Variants in ARHGAP24 observed in about 807,000 individuals in gnomAD.
ARHGAP24 encodes Rho GTPase activating protein 24.
A neutral mutation model predicts 76.4 loss-of-function variants in ARHGAP24; 50 were observed. The observed-to-expected ratio is 0.65, with a 90% CI of 0.52 to 0.83. The LOEUF is 0.83. Among genes scored for constraint, ARHGAP24 ranks in the 40% least tolerant of loss-of-function variants. ARHGAP24 has a pLI of 0.00. For synonymous variants in ARHGAP24, 345 were observed against 323.3 expected (o/e 1.07, Z -0.72); for missense variants, 930 against 914.2 (o/e 1.02, Z -0.22).
Position 85,483,314 on chromosome 4 carries a change from G to GA in ARHGAP24, c.-21+7764dup, listed in dbSNP as rs371807967. 1.3e-4 allele frequency among the ~76,000 whole-genome samples: 20 copies of GA among 151,164 alleles called. 1 individual carries two copies. The highest frequency in any genetic ancestry group is 3.9e-4 in the East Asian group (2 of 5,150). On this transcript the variant is annotated intron_variant, in intron 1 of 9. Coordinates refer to ENST00000395184, the MANE Select transcript of ARHGAP24 (RefSeq NM_001025616.3). Reference sequence around the variant, plus strand: ...AGAATAGAATAAGATAGAATAGATGGAAAAAAAAACTCAGTGTTCATTATA... The same window carrying GA: ...AGAATAGAATAAGATAGAATAGATGGAAAAAAAAAACTCAGTGTTCATTATA...
chr4:85,722,208 T>C (rs1724971474), intron 3 of ARHGAP24: 2 of 462,720 alleles, frequency 4.3e-6, no homozygotes, highest in East Asian at 4.3e-5. Context: ...TGAGACTCCA[T>C]AGTTGACCAC....
intron 3 of ARHGAP24, among the ~76,000 whole-genome samples, chr4:85,871,355 C>A (rs1732514455): frequency 6.6e-6 from 1 of 152,052 alleles, no homozygotes; most frequent in Non-Finnish European, 1.5e-5. Context: ...TCAAAAAGAT[C>A]CAGAAATATA....
chr4:85,800,498 G>C (rs1728531431), intron 3 of ARHGAP24, among the ~76,000 whole-genome samples: 1 of 151,568 alleles, frequency 6.6e-6, no homozygotes, highest in South Asian at 2.1e-4. Context: ...TTAAGAAGAA[G>C]AACAGGAGGA....
At chr4:85,664,311 A>G (rs1199104958) in intron 2 of ARHGAP24, among the ~76,000 whole-genome samples, 1 of 150,976 alleles carries the variant, frequency 6.6e-6, no homozygotes, top group Admixed American at 6.6e-5. Context: ...AGGTGTTTGT[A>G]GTATTCTCTG....
chr4:85,739,078 G>A (rs538582095), intron 3 of ARHGAP24, among the ~76,000 whole-genome samples: 1 of 152,296 alleles, frequency 6.6e-6, no homozygotes, highest in East Asian at 1.9e-4. Flanking sequence ...TAGAGACCAT[G>A]CCACACCTGA....
intron 2 of ARHGAP24, among the ~76,000 whole-genome samples, chr4:85,714,240 TC>T (rs1201107767): frequency 2.0e-5 from 3 of 152,158 alleles, no homozygotes; most frequent in Admixed American, 2.0e-4. Context: ...TAAAGGATCC[TC>T]CGGTCTAAAA....
chr4:85,774,118 C>G (rs1443406396), intron 3 of ARHGAP24, among the ~76,000 whole-genome samples: 1 of 152,200 alleles, frequency 6.6e-6, no homozygotes, highest in African/African-American at 2.4e-5. Context: ...CTCTCCCTAT[C>G]TTGCTGTCAC....
intron 3 of ARHGAP24, among the ~76,000 whole-genome samples, chr4:85,750,764 C>T (rs996588608): frequency 6.6e-6 from 1 of 152,004 alleles, no homozygotes; most frequent in South Asian, 2.1e-4. Flanking sequence ...TCCCAAAGTG[C>T]GGGGATTACA....
At chr4:85,880,249 A>T (rs1376086236) in intron 3 of ARHGAP24, among the ~76,000 whole-genome samples, 4 of 152,158 alleles carry the variant, frequency 2.6e-5, no homozygotes, top group Non-Finnish European at 5.9e-5. Context: ...CACTCTTATG[A>T]TGTAAGATGA....
intron 3 of ARHGAP24, among the ~76,000 whole-genome samples, chr4:85,734,096 A>C (rs930234742): frequency 6.6e-6 from 1 of 152,088 alleles, no homozygotes; most frequent in Non-Finnish European, 1.5e-5. Flanking sequence ...ATAATCCAGA[A>C]CTCTACTTAT....
intron 3 of ARHGAP24, among the ~76,000 whole-genome samples, chr4:85,748,780 A>G (rs1220984401): frequency 6.6e-6 from 1 of 152,214 alleles, no homozygotes; most frequent in East Asian, 1.9e-4. Context: ...TTCAAGTCTC[A>G]GTGTTGTTCT....
chr4:85,668,449 CA>C (rs978864253), intron 2 of ARHGAP24, among the ~76,000 whole-genome samples: 5 of 152,082 alleles, frequency 3.3e-5, no homozygotes, highest in African/African-American at 1.2e-4. Context: ...TGAAAGAGAG[CA>C]AAGGGTGCTG....
chr4:85,941,193 A>G (rs1460465291), intron 4 of ARHGAP24, among the ~76,000 whole-genome samples: 1 of 152,128 alleles, frequency 6.6e-6, no homozygotes, highest in Non-Finnish European at 1.5e-5. Flanking sequence ...CCAAGCTACT[A>G]CCTAATATTA....
At chr4:85,784,301 CT>C (rs139108824) in intron 3 of ARHGAP24, among the ~76,000 whole-genome samples, 39,226 of 149,940 alleles carry the variant, frequency 0.26, 5,430 homozygotes, top group African/African-American at 0.31. Context: ...CTCTCCTAGG[CT>C]TTTTTTTTTC....
intron 3 of ARHGAP24, among the ~76,000 whole-genome samples, chr4:85,763,322 A>C (rs1214823297): frequency 6.6e-6 from 1 of 152,210 alleles, no homozygotes; most frequent in Non-Finnish European, 1.5e-5. Flanking sequence ...ATGATTAACC[A>C]GGATGCCTGG....
At chr4:85,805,540 C>A (rs1728750757) in intron 3 of ARHGAP24, among the ~76,000 whole-genome samples, 1 of 152,118 alleles carries the variant, frequency 6.6e-6, no homozygotes. Context: ...AAATTTTCTC[C>A]TCAGCTGTGT....
intron 2 of ARHGAP24, among the ~76,000 whole-genome samples, chr4:85,596,057 A>G (rs1017974830): frequency 4.6e-5 from 7 of 151,872 alleles, no homozygotes; most frequent in African/African-American, 1.4e-4. Context: ...AAAAGGAAAT[A>G]TTATTTTGCA....
intron 2 of ARHGAP24, among the ~76,000 whole-genome samples, chr4:85,597,680 G>A (rs1459544309): frequency 6.6e-6 from 1 of 151,118 alleles, no homozygotes; most frequent in Non-Finnish European, 1.5e-5. Context: ...TTAAATAAAT[G>A]TTTGCTTAAT....
At chr4:85,657,705 G>A (rs188242846) in intron 2 of ARHGAP24, among the ~76,000 whole-genome samples, 14 of 152,264 alleles carry the variant, frequency 9.2e-5, no homozygotes, top group South Asian at 2.1e-4. Flanking sequence ...AAACATTGCC[G>A]GGGTAGATGA....
Sources: gnomAD v4.1 joint callset for allele counts (sites outside exome capture counted in the v4.1 genomes callset) on GRCh38, gnomAD v4.1.1 for gene constraint, MANE v1.5 for transcripts, NCBI Gene and HGNC (gene_info 2026-07-23, HGNC 2026-07-21) for gene names.